Variants in WDR49 observed in about 807,000 individuals in gnomAD.
The protein encoded by WDR49 is WD repeat domain 49, also known as cilia- and flagella-associated protein 337.
Under a neutral mutation model 119.5 loss-of-function variants are expected in WDR49, and 107 were observed. That is an observed-to-expected ratio of 0.90 (90% CI 0.77 to 1.05). The LOEUF (loss-of-function observed/expected upper bound fraction) is 1.05. Ranked by LOEUF, WDR49 falls within the 50% of genes least tolerant of loss-of-function variation. The pLI, the probability that WDR49 is intolerant of heterozygous loss-of-function variation, is 0.00. For synonymous variants in WDR49, 425 were observed against 418.8 expected (o/e 1.01, Z -0.18); for missense variants, 1,240 against 1,220.5 (o/e 1.02, Z -0.24).
chr3:167,484,597 T>A (rs1314563835), intron 18 of WDR49, among the ~76,000 whole-genome samples: 2 of 151,282 alleles, frequency 1.3e-5, no homozygotes, highest in African/African-American at 4.9e-5. Context: ...CTTCTTGTAA[T>A]AAATCTCAAT....
At chr3:167,556,713 C>A (rs1044549032) in intron 9 of WDR49, among the ~76,000 whole-genome samples, 7 of 152,024 alleles carry the variant, frequency 4.6e-5, no homozygotes, top group Non-Finnish European at 1.0e-4. Flanking sequence ...TGGTGAAACC[C>A]TGTCTCCACT....
intron 2 of WDR49, among the ~76,000 whole-genome samples, chr3:167,637,483 T>C (rs188013723): frequency 6.6e-6 from 1 of 152,080 alleles, no homozygotes; most frequent in African/African-American, 2.4e-5. Context: ...TGGGCTCTTT[T>C]TTGGTTCCAT....
intron 16 of WDR49, among the ~76,000 whole-genome samples, chr3:167,517,203 G>C (rs1004397499): frequency 6.6e-6 from 1 of 152,060 alleles, no homozygotes; most frequent in African/African-American, 2.4e-5. Context: ...AAAAGAGCCT[G>C]TATAGCCAAA....
chr3:167,483,197 T>G (rs1156675768), intron 18 of WDR49, among the ~76,000 whole-genome samples: 1 of 152,206 alleles, frequency 6.6e-6, no homozygotes, highest in Non-Finnish European at 1.5e-5. Context: ...ATACCAGCAG[T>G]ATGAGATAAT....
At chr3:167,525,348 GCAAA>G (rs1752596045) in intron 15 of WDR49, among the ~76,000 whole-genome samples, 1 of 152,094 alleles carries the variant, frequency 6.6e-6, no homozygotes, top group Non-Finnish European at 1.5e-5. Flanking sequence ...CACGTTGTAT[GCAAA>G]CAGAGACAAT....
At chr3:167,619,840 C>CTAA (rs1560316957) in intron 5 of WDR49, among the ~76,000 whole-genome samples, 1 of 151,964 alleles carries the variant, frequency 6.6e-6, no homozygotes, top group Non-Finnish European at 1.5e-5. Flanking sequence ...TTTTATGAAA[C>CTAA]TAATTCATTG....
At chr3:167,598,860 C>G (rs1043147420) in intron 7 of WDR49, among the ~76,000 whole-genome samples, 2 of 152,228 alleles carry the variant, frequency 1.3e-5, no homozygotes, top group African/African-American at 4.8e-5. Context: ...AGTTTGGAAT[C>G]TTGGATAAAA....
At position 167,626,844 on chromosome 3, in the gene WDR49, G is replaced by C; in HGVS notation, c.606+8C>G. 1 of 1,245,976 alleles carries C rather than the reference G, an allele frequency of 8.0e-7. No individual in the cohort carries two copies. Among genetic ancestry groups the C allele is most frequent in the Middle Eastern group, 2.0e-4 (1 of 4,892 alleles). 77.2% of individuals were successfully genotyped at this position (1,245,976 alleles called of 1,614,324 possible). The stretch of plus-strand genomic sequence containing the variant: ...CAAGCAGTACATTTTTTTATAAAGA[G>C]TCTGTACCTTGTTTACATTTTCCAG... On this transcript the variant is annotated splice_region_variant and intron_variant, in intron 3 of 18. Transcript: ENST00000682715.
At chr3:167,526,990 A>G (rs1248590791) in intron 15 of WDR49, among the ~76,000 whole-genome samples, 1 of 152,196 alleles carries the variant, frequency 6.6e-6, no homozygotes, top group Non-Finnish European at 1.5e-5. Context: ...GCACAAATGG[A>G]ACAGGAAAAG....
At chr3:167,552,642 A>G (rs1712642163) in intron 10 of WDR49, among the ~76,000 whole-genome samples, 1 of 152,100 alleles carries the variant, frequency 6.6e-6, no homozygotes, top group East Asian at 1.9e-4. Context: ...ACGTACAGCA[A>G]GCAAATGGAT....
intron 7 of WDR49, among the ~76,000 whole-genome samples, chr3:167,581,888 AAGG>A (rs1714546772): frequency 6.6e-6 from 1 of 152,230 alleles, no homozygotes; most frequent in African/African-American, 2.4e-5. Flanking sequence ...CATAAAAGTG[AAGG>A]AGAAGTAGAA....
At chr3:167,506,033 C>A (rs1283383512) in intron 16 of WDR49, among the ~76,000 whole-genome samples, 2 of 152,122 alleles carry the variant, frequency 1.3e-5, no homozygotes, top group Non-Finnish European at 2.9e-5. Flanking sequence ...AGACTTCAAC[C>A]TTAACAGCTA....
At chr3:167,614,248 CCCACCACCA>C (rs2108316190) in intron 5 of WDR49, among the ~76,000 whole-genome samples, 1 of 152,080 alleles carries the variant, frequency 6.6e-6, no homozygotes, top group South Asian at 2.1e-4. Context: ...ATTACAAGCG[CCCACCACCA>C]CACCTGGCTA....
In WDR49 at chr3:167,566,896, T is replaced by TGAG. The variant is rs571151216; in HGVS notation, c.1510-6671_1510-6669dup. 6.1e-4 allele frequency: 409 copies of TGAG among 674,344 alleles called. 4 individuals carry two copies. The East Asian group carries it at 0.011, about 18-fold the overall frequency. 41.8% of individuals were successfully genotyped at this position (674,344 alleles called of 1,614,324 possible). On this transcript the variant is annotated intron_variant, in intron 8 of 18. Coordinates refer to ENST00000682715, the MANE Select transcript of WDR49 (RefSeq NM_001366157.1). ...CGTGTCGTCTTCACATTGAGAAGGC[T>TGAG]GAGGAGGAGGAAAAGAAAGGGTTGG...
chr3:167,539,514 A>C (rs1292924389), intron 10 of WDR49, among the ~76,000 whole-genome samples: 1 of 152,164 alleles, frequency 6.6e-6, no homozygotes, highest in Non-Finnish European at 1.5e-5. Context: ...TCTTAACATC[A>C]TTCACATTTA....
chr3:167,641,395 T>C (rs143687806), intron 2 of WDR49, among the ~76,000 whole-genome samples: 41 of 152,034 alleles, frequency 2.7e-4, no homozygotes, highest in African/African-American at 8.9e-4. Context: ...TACAGAAAGA[T>C]AAGATGAAGA....
At chr3:167,585,386 G>A (rs1489100867) in intron 7 of WDR49, among the ~76,000 whole-genome samples, 1 of 135,764 alleles carries the variant, frequency 7.4e-6, no homozygotes, top group Non-Finnish European at 1.5e-5. Flanking sequence ...GGTCTTAAAA[G>A]GGTGCGTGTG....
At chr3:167,527,605 A>G (rs1752681806) in intron 15 of WDR49, among the ~76,000 whole-genome samples, 1 of 151,962 alleles carries the variant, frequency 6.6e-6, no homozygotes. Context: ...CAGAGCCCCC[A>G]TCTTTCCATG....
chr3:167,543,540 C>CATAT (rs1289817025), intron 10 of WDR49, among the ~76,000 whole-genome samples: 4 of 151,946 alleles, frequency 2.6e-5, no homozygotes, highest in Non-Finnish European at 4.4e-5. Flanking sequence ...AAATAAATAT[C>CATAT]ATATGATTAT....
Sources: gnomAD v4.1 joint callset for allele counts (sites outside exome capture counted in the v4.1 genomes callset) on GRCh38, gnomAD v4.1.1 for gene constraint, MANE v1.5 for transcripts, NCBI Gene and HGNC (gene_info 2026-07-23, HGNC 2026-07-21) for gene names.